Variants in HMSD observed in about 807,000 individuals in gnomAD.
The protein encoded by HMSD is histocompatibility minor serpin domain containing.
Under a neutral mutation model 10.0 loss-of-function variants are expected in HMSD, and 13 were observed. The ratio of observed to expected loss-of-function variants is 1.31; its 90% CI spans 0.85 to 2.08. HMSD has a LOEUF of 2.08. Ranked by LOEUF, HMSD falls within the 30% of genes most tolerant of loss-of-function variation. HMSD has a pLI of 0.00. For missense variants in HMSD, 169 were observed against 166.3 expected, an observed-to-expected ratio of 1.02 and a Z score of -0.09; for synonymous variants, 51 against 54.2, an observed-to-expected ratio of 0.94 and a Z score of 0.26.
intron 3 of HMSD, among the ~76,000 whole-genome samples, chr18:63,954,761 A>G (rs1446688948): frequency 1.3e-5 from 2 of 152,246 alleles, no homozygotes; most frequent in Non-Finnish European, 2.9e-5. Flanking sequence ...AGCTTTAATG[A>G]GATAATCTTC....
chr18:63,956,947 TA>T (rs1425867667), intron 3 of HMSD, among the ~76,000 whole-genome samples: 6 of 152,180 alleles, frequency 3.9e-5, no homozygotes, highest in African/African-American at 1.4e-4. Context: ...TGGAGGCTAT[TA>T]ATCATAAGCA....
downstream of HMSD, among the ~76,000 whole-genome samples, chr18:63,963,692 C>G (rs182935443): frequency 2.0e-5 from 3 of 152,186 alleles, no homozygotes; most frequent in African/African-American, 7.2e-5. Context: ...CCTGAGAACT[C>G]CATTCATTGC....
intron 1 of HMSD, among the ~76,000 whole-genome samples, chr18:63,950,196 C>A (rs996809538): frequency 6.6e-6 from 1 of 151,964 alleles, no homozygotes; most frequent in Non-Finnish European, 1.5e-5. Flanking sequence ...GGGGGCGGAT[C>A]ACGAGGTCAG....
intron 1 of HMSD, among the ~76,000 whole-genome samples, chr18:63,951,442 C>G (rs532220650): frequency 6.6e-6 from 1 of 152,092 alleles, no homozygotes; most frequent in Non-Finnish European, 1.5e-5. Context: ...CCTGCACTCA[C>G]CAGCAGGGGG....
At chr18:63,950,665 C>T (rs1338804637) in intron 1 of HMSD, among the ~76,000 whole-genome samples, 1 of 149,294 alleles carries the variant, frequency 6.7e-6, no homozygotes, top group Non-Finnish European at 1.5e-5. Context: ...ATCAGATGCA[C>T]GAGAACCTCA....
At chr18:63,963,133 C>CTTTCTTTCTTT (rs748638278), downstream of HMSD, among the ~76,000 whole-genome samples, 2 of 108,446 alleles carry the variant, frequency 1.8e-5, no homozygotes, top group African/African-American at 7.1e-5. Flanking sequence ...TTCTTTCTTT[C>CTTTCTTTCTTT]CTTTCTTTCT....
downstream of HMSD, among the ~76,000 whole-genome samples, chr18:63,965,916 G>A (rs1287023681): frequency 2.0e-5 from 3 of 152,138 alleles, no homozygotes; most frequent in African/African-American, 7.2e-5. Flanking sequence ...CATTGAACCT[G>A]CAGGTTCAAT....
chr18:63,963,499 A>T (rs1443765783), downstream of HMSD, among the ~76,000 whole-genome samples: 1 of 152,144 alleles, frequency 6.6e-6, no homozygotes, highest in Non-Finnish European at 1.5e-5. Context: ...AAGTGCTGAG[A>T]TTACAGACAT....
At position 63,954,544 on chromosome 18, in the gene HMSD, A is replaced by G. The variant is rs896879696; in HGVS notation, c.209A>G (p.Tyr70Cys). ...TANGLFGEKS[Y>C]DFLTGFTDSC... Reference sequence around the variant, plus strand: ...AACGGGCTCTTTGGAGAAAAGTCTTATGATTTCCTCACAGTAAGTCATACT... The same window carrying G: ...AACGGGCTCTTTGGAGAAAAGTCTTGTGATTTCCTCACAGTAAGTCATACT... The change falls in exon 3 of 4, where the codon TAT becomes TGT. Residue 70 changes from tyrosine to cysteine, a missense_variant. Physicochemically the swap from Tyr to Cys is radical, Grantham distance 194 (BLOSUM62 -2). Coordinates refer to ENST00000408945, the MANE Select transcript of HMSD (RefSeq NM_001123366.2). 1.9e-6 allele frequency: 3 copies of G among 1,611,914 alleles called. No individual in the cohort carries two copies. Among genetic ancestry groups the G allele is most frequent in the Non-Finnish European group, 8.5e-7 (1 of 1,178,566 alleles).
downstream of HMSD, among the ~76,000 whole-genome samples, chr18:63,965,519 C>G (rs1480238632): frequency 6.6e-6 from 1 of 152,194 alleles, no homozygotes; most frequent in Non-Finnish European, 1.5e-5. Context: ...AGTTTCCAGG[C>G]AATGCCATAT....
intron 1 of HMSD, among the ~76,000 whole-genome samples, chr18:63,951,204 A>T (rs1450303578): frequency 6.6e-6 from 1 of 152,236 alleles, no homozygotes; most frequent in African/African-American, 2.4e-5. Flanking sequence ...AAGTGATTAC[A>T]TCTTTAAAAC....
intron 1 of HMSD, among the ~76,000 whole-genome samples, chr18:63,952,586 T>G (rs1336536741): frequency 6.6e-6 from 1 of 152,242 alleles, no homozygotes; most frequent in Non-Finnish European, 1.5e-5. Flanking sequence ...TCCATTTATA[T>G]TCAATCATGG....
At chr18:63,952,552 G>A (rs1043550024) in intron 1 of HMSD, among the ~76,000 whole-genome samples, 1 of 152,002 alleles carries the variant, frequency 6.6e-6, no homozygotes, top group Non-Finnish European at 1.5e-5. Flanking sequence ...ATTTTCTCAT[G>A]GCATGACTGT....
At chr18:63,959,172 G>T (rs1055714019) in intron 3 of HMSD, among the ~76,000 whole-genome samples, 17 of 149,976 alleles carry the variant, frequency 1.1e-4, no homozygotes, top group African/African-American at 2.3e-4. Context: ...TTGTGTGCAG[G>T]TTTTATCAGC....
At chr18:63,963,083 T>C (rs777303917), downstream of HMSD, among the ~76,000 whole-genome samples, 62 of 47,970 alleles carry the variant, frequency 1.3e-3, no homozygotes, top group Non-Finnish European at 1.8e-3. Flanking sequence ...CTTTCTTTCT[T>C]TCTTTCTTTC....
In HMSD at chr18:63,950,095, A is replaced by G. The variant is rs536735954; in HGVS notation, c.-103+695A>G. On this transcript the variant is annotated intron_variant, in intron 1 of 3. Transcript: ENST00000408945. The stretch of plus-strand genomic sequence containing the variant: ...AAATACATGTTACAACAAAGCCAAG[A>G]AAGAGTCCTTTAGTAAATTCAGATA... Among the ~76,000 whole-genome samples the G allele has an allele frequency of 2.6e-4, 39 of 152,286 alleles. 1 individual carries two copies. The highest frequency in any genetic ancestry group is 7.8e-4 in the Admixed American group (12 of 15,300).
downstream of HMSD, among the ~76,000 whole-genome samples, chr18:63,963,087 T>TTTCTTTCTCTTTC (rs1296092076): frequency 1.3e-4 from 13 of 102,784 alleles, no homozygotes; most frequent in African/African-American, 3.1e-4. Flanking sequence ...CTTTCTTTCT[T>TTTCTTTCTCTTTC]TCTTTCTTTC....
chr18:63,963,181 T>C (rs2050397070), downstream of HMSD, among the ~76,000 whole-genome samples: 1 of 149,736 alleles, frequency 6.7e-6, no homozygotes, highest in Non-Finnish European at 1.5e-5. Context: ...TCTCCCTTCC[T>C]TCCTTCATTG....
chr18:63,953,445 T>G lies in HMSD; in HGVS notation c.-11T>G, dbSNP rs751865100. On this transcript the variant is annotated 5_prime_UTR_variant, in exon 2 of 4. Coordinates refer to ENST00000408945, the MANE Select transcript of HMSD (RefSeq NM_001123366.2). ...AGGGGAAAACAACTCAAACAACTTA[T>G]TTTTTTCCCCATGAGCATATCATCA... 5.0e-6 allele frequency: 8 copies of G among 1,610,502 alleles called. No homozygotes were observed. The highest frequency in any genetic ancestry group is 6.8e-6 in the Non-Finnish European group (8 of 1,177,216).
Sources: gnomAD v4.1 joint callset for allele counts (sites outside exome capture counted in the v4.1 genomes callset) on GRCh38, gnomAD v4.1.1 for gene constraint, MANE v1.5 for transcripts, NCBI Gene and HGNC (gene_info 2026-07-23, HGNC 2026-07-21) for gene names.